NEGR1: variants seen among roughly 807,000 people sequenced by gnomAD.
NEGR1 encodes IgLON family member 4.
A neutral mutation model predicts 40.9 loss-of-function variants in NEGR1; 10 were observed. The ratio of observed to expected loss-of-function variants is 0.24; its 90% CI spans 0.15 to 0.42. The LOEUF (loss-of-function observed/expected upper bound fraction) is 0.42. Among genes scored for constraint, NEGR1 ranks in the 10% least tolerant of loss-of-function variants. NEGR1 has a pLI of 1.00. For missense variants in NEGR1, 352 were observed against 438.9 expected, an observed-to-expected ratio of 0.80 and a Z score of 1.77; for synonymous variants, 185 against 166.8, an observed-to-expected ratio of 1.11 and a Z score of -0.84.
intron 1 of NEGR1, among the ~76,000 whole-genome samples, chr1:71,973,521 G>A (rs1361539224): frequency 6.6e-6 from 1 of 152,048 alleles, no homozygotes; most frequent in African/African-American, 2.4e-5. Context: ...TTTTCATCCA[G>A]AAACCATTGG....
At chr1:71,629,330 T>C (rs12092410) in intron 4 of NEGR1, among the ~76,000 whole-genome samples, 2,521 of 152,116 alleles carry the variant, frequency 0.017, 62 homozygotes, top group African/African-American at 0.057. Context: ...TTGGGCAATA[T>C]GGCCATTTTC....
intron 1 of NEGR1, among the ~76,000 whole-genome samples, chr1:72,011,207 C>T (rs1570605681): frequency 1.3e-5 from 2 of 151,962 alleles, no homozygotes; most frequent in East Asian, 1.9e-4. Context: ...AGAAAGAGGG[C>T]TTAGGGAGAA....
chr1:71,811,095 T>C (rs1657986251), intron 2 of NEGR1, among the ~76,000 whole-genome samples: 1 of 152,148 alleles, frequency 6.6e-6, no homozygotes, highest in African/African-American at 2.4e-5. Context: ...GTGAAACATC[T>C]TCATTAGAAC....
intron 4 of NEGR1, among the ~76,000 whole-genome samples, chr1:71,614,727 A>C (rs1650386385): frequency 1.3e-5 from 2 of 152,232 alleles, no homozygotes; most frequent in Admixed American, 6.5e-5. Flanking sequence ...TATAAACAAA[A>C]GCATGAAATC....
intron 2 of NEGR1, among the ~76,000 whole-genome samples, chr1:71,787,589 A>C (rs1258014190): frequency 1.3e-5 from 2 of 152,194 alleles, no homozygotes; most frequent in Non-Finnish European, 2.9e-5. Flanking sequence ...CAATCTCCTC[A>C]AAATATCTGT....
intron 2 of NEGR1, among the ~76,000 whole-genome samples, chr1:71,882,523 C>T (rs1007666789): frequency 1.9e-4 from 29 of 152,014 alleles, no homozygotes; most frequent in Middle Eastern, 6.9e-3. Context: ...GAATGTTTCC[C>T]ATAAGAACAC....
chr1:71,814,374 T>A (rs1324298124), intron 2 of NEGR1, among the ~76,000 whole-genome samples: 1 of 152,074 alleles, frequency 6.6e-6, no homozygotes, highest in Non-Finnish European at 1.5e-5. Context: ...GAAGTTTTCT[T>A]TTTTGTGTGT....
chr1:72,129,838 C>T (rs545203019), intron 1 of NEGR1, among the ~76,000 whole-genome samples: 3 of 152,208 alleles, frequency 2.0e-5, no homozygotes, highest in African/African-American at 7.2e-5. Context: ...AAAATATTGT[C>T]ACATCTGCCT....
chr1:72,041,410 C>T (rs1452606382), intron 1 of NEGR1, among the ~76,000 whole-genome samples: 1 of 141,500 alleles, frequency 7.1e-6, no homozygotes, highest in East Asian at 2.2e-4. Flanking sequence ...CTAATTCATT[C>T]CTTCTCTTTT....
intron 1 of NEGR1, among the ~76,000 whole-genome samples, chr1:72,143,974 T>C (rs1454653741): frequency 6.8e-6 from 1 of 146,346 alleles, no homozygotes; most frequent in Non-Finnish European, 1.5e-5. Context: ...GGGGAGAGAT[T>C]TGTAAGAAAG....
intron 1 of NEGR1, among the ~76,000 whole-genome samples, chr1:71,971,417 T>C (rs754699797): frequency 7.2e-5 from 11 of 152,176 alleles, no homozygotes; most frequent in African/African-American, 1.2e-4. Context: ...CTGTGCCTCA[T>C]TGCTTCTTTG....
intron 2 of NEGR1, among the ~76,000 whole-genome samples, chr1:71,828,566 T>C (rs1216119419): frequency 1.3e-5 from 2 of 151,920 alleles, no homozygotes. Flanking sequence ...TCATGTTCAG[T>C]ATACAATCCA....
intron 2 of NEGR1, among the ~76,000 whole-genome samples, chr1:71,843,144 T>C (rs572375935): frequency 7.9e-5 from 12 of 152,180 alleles, no homozygotes; most frequent in Admixed American, 6.6e-4. Flanking sequence ...GGGAACTCAC[T>C]TTGATTAAAG....
chr1:71,929,220 T>A (rs912969399), intron 2 of NEGR1, among the ~76,000 whole-genome samples: 1 of 152,166 alleles, frequency 6.6e-6, no homozygotes. Context: ...TTTTTACTGG[T>A]AGTAGCTCCA....
At chr1:72,205,608 T>C (rs1217707681) in intron 1 of NEGR1, among the ~76,000 whole-genome samples, 1 of 150,708 alleles carries the variant, frequency 6.6e-6, no homozygotes, top group Non-Finnish European at 1.5e-5. Context: ...TAATAGATAA[T>C]TTTTGTTAAC....
chr1:72,267,955 G>A (rs889260781), intron 1 of NEGR1, among the ~76,000 whole-genome samples: 1 of 150,818 alleles, frequency 6.6e-6, no homozygotes, highest in South Asian at 2.1e-4. Flanking sequence ...GTATTACAGA[G>A]AAAACAGTAT....
At chr1:71,565,977 GAC>G (rs1648608057) in intron 6 of NEGR1, among the ~76,000 whole-genome samples, 1 of 152,058 alleles carries the variant, frequency 6.6e-6, no homozygotes, top group African/African-American at 2.4e-5. Flanking sequence ...GCCATGTGAA[GAC>G]AGAGACGGAG....
At chr1:71,652,444 G>A (rs915771416) in intron 4 of NEGR1, among the ~76,000 whole-genome samples, 3 of 152,088 alleles carry the variant, frequency 2.0e-5, no homozygotes, top group Non-Finnish European at 4.4e-5. Flanking sequence ...TATAAATAAA[G>A]TTATATGGAA....
At chr1:72,277,659 G>C (rs1206286374) in intron 1 of NEGR1, among the ~76,000 whole-genome samples, 1 of 152,046 alleles carries the variant, frequency 6.6e-6, no homozygotes, top group Non-Finnish European at 1.5e-5. Context: ...TGACCATTCT[G>C]ATAATTCATT....
Sources: gnomAD v4.1 joint callset for allele counts (sites outside exome capture counted in the v4.1 genomes callset) on GRCh38, gnomAD v4.1.1 for gene constraint, MANE v1.5 for transcripts, NCBI Gene and HGNC (gene_info 2026-07-23, HGNC 2026-07-21) for gene names.